The following SLIT1 variants were observed in gnomAD, a reference collection of about 807,000 sequenced individuals.
SLIT1 encodes slit homolog 1 protein.
Under a neutral mutation model 186.1 loss-of-function variants are expected in SLIT1, and 66 were observed. The ratio of observed to expected loss-of-function variants is 0.35; its 90% CI spans 0.29 to 0.44. The LOEUF is 0.44. Among genes scored for constraint, SLIT1 ranks in the 20% least tolerant of loss-of-function variants. SLIT1 has a pLI of 1.00. For synonymous variants in SLIT1, 761 were observed against 833.8 expected (o/e 0.91, Z 1.50); for missense variants, 1,638 against 2,037.4 (o/e 0.80, Z 3.77).
intron 10 of SLIT1, 120 bp downstream of exon 10, chr10:97,059,967 G>T: frequency 1.2e-6 from 1 of 847,220 alleles, no homozygotes. Context: ...AGGTCAGGTG[G>T]CTGGCCAAGG....
intron 4 of SLIT1, among the ~76,000 whole-genome samples, chr10:97,112,569 G>T (rs557394866): frequency 5.3e-5 from 8 of 152,258 alleles, no homozygotes; most frequent in Admixed American, 2.0e-4. Flanking sequence ...ACACTATGAG[G>T]TACTACCATC....
intron 21 of SLIT1, among the ~76,000 whole-genome samples, chr10:97,038,396 C>A (rs1319751102): frequency 1.3e-5 from 2 of 152,220 alleles, no homozygotes; most frequent in Non-Finnish European, 2.9e-5. Flanking sequence ...GCTGCAGCCT[C>A]TTCTGTCTGT....
chr10:97,170,875 G>T (rs990630032), intron 1 of SLIT1, among the ~76,000 whole-genome samples: 1 of 152,106 alleles, frequency 6.6e-6, no homozygotes, highest in East Asian at 1.9e-4. Flanking sequence ...GGGATTTCCC[G>T]GGGCTGCAAG....
At chr10:97,094,393 T>C (rs1849264591) in intron 4 of SLIT1, among the ~76,000 whole-genome samples, 1 of 152,198 alleles carries the variant, frequency 6.6e-6, no homozygotes, top group Admixed American at 6.5e-5. Flanking sequence ...GCAGTGCACA[T>C]CCTGAGCAAC....
chr10:97,121,937 C>T (rs925340923), intron 4 of SLIT1, among the ~76,000 whole-genome samples: 2 of 152,182 alleles, frequency 1.3e-5, no homozygotes, highest in Admixed American at 6.5e-5. Flanking sequence ...CTCATTTAAT[C>T]CATAAAATCT....
intron 1 of SLIT1, among the ~76,000 whole-genome samples, chr10:97,166,762 T>C (rs1375328626): frequency 6.6e-6 from 1 of 152,138 alleles, no homozygotes; most frequent in Non-Finnish European, 1.5e-5. Context: ...ATAGATTCCT[T>C]TTCTGCATCA....
intron 4 of SLIT1, among the ~76,000 whole-genome samples, chr10:97,084,536 A>C (rs941507567): frequency 6.6e-6 from 1 of 152,240 alleles, no homozygotes; most frequent in African/African-American, 2.4e-5. Flanking sequence ...TTAAGGCCCA[A>C]TAAATAGGAG....
chr10:97,105,621 A>C (rs1394726888), intron 4 of SLIT1, among the ~76,000 whole-genome samples: 3 of 152,262 alleles, frequency 2.0e-5, no homozygotes, highest in Non-Finnish European at 4.4e-5. Context: ...AAGAGATGGC[A>C]GATCAAACCG....
At chr10:97,121,860 G>T (rs1314595345) in intron 4 of SLIT1, among the ~76,000 whole-genome samples, 1 of 152,134 alleles carries the variant, frequency 6.6e-6, no homozygotes, top group African/African-American at 2.4e-5. Context: ...TGGCTTAACG[G>T]CAAGAACAAA....
intron 4 of SLIT1, among the ~76,000 whole-genome samples, chr10:97,128,209 A>C (rs966287530): frequency 6.6e-6 from 1 of 152,042 alleles, no homozygotes; most frequent in Non-Finnish European, 1.5e-5. Flanking sequence ...AGAACTCTAC[A>C]GTCCCAGGGC....
intron 7 of SLIT1, 98 bp from the exon 8 acceptor site, chr10:97,063,716 G>T: frequency 7.6e-7 from 1 of 1,317,174 alleles, no homozygotes; most frequent in Non-Finnish European, 1.0e-6. Context: ...CCCCGGTGCT[G>T]TGTTCAAGCC....
At chr10:97,174,378 G>A (rs746762124) in intron 1 of SLIT1, among the ~76,000 whole-genome samples, 22 of 152,194 alleles carry the variant, frequency 1.4e-4, no homozygotes, top group Non-Finnish European at 2.9e-4. Context: ...GGCCTTGCAC[G>A]CACTCCCGTC....
At chr10:97,156,695 G>A (rs901933348) in intron 4 of SLIT1, among the ~76,000 whole-genome samples, 1 of 152,216 alleles carries the variant, frequency 6.6e-6, no homozygotes, top group African/African-American at 2.4e-5. Context: ...TGTTTAATCA[G>A]AGGAGACAAA....
At chr10:97,098,138 A>G (rs1589392214) in intron 4 of SLIT1, among the ~76,000 whole-genome samples, 1 of 152,338 alleles carries the variant, frequency 6.6e-6, no homozygotes, top group East Asian at 1.9e-4. Flanking sequence ...CAGATGGGAC[A>G]GTGGTGGGGT....
intron 22 of SLIT1, 92 bp downstream of exon 22, chr10:97,037,606 G>C: frequency 3.0e-6 from 3 of 984,340 alleles, no homozygotes; most frequent in Non-Finnish European, 4.8e-6. Context: ...GATCTGCCCA[G>C]AAGTGAGGTC....
intron 1 of SLIT1, among the ~76,000 whole-genome samples, chr10:97,180,516 T>G (rs1203757235): frequency 2.0e-5 from 3 of 152,226 alleles, no homozygotes; most frequent in Non-Finnish European, 4.4e-5. Context: ...TCCAGCACTA[T>G]TCACCCGGCA....
chr10:97,037,048 TTGTG>T (rs59578209), intron 22 of SLIT1, among the ~76,000 whole-genome samples: 15,851 of 116,726 alleles, frequency 0.14, 527 homozygotes, highest in South Asian at 0.15. Flanking sequence ...ATAACCCCCT[TTGTG>T]TGTGTGTGTG....
rs565141975 is a variant in SLIT1, at chr10:97,026,318, G to T, written c.2582+4439C>A. Among the ~76,000 whole-genome samples, 3 of 152,166 alleles carry T rather than the reference G, an allele frequency of 2.0e-5. No homozygotes were observed. The South Asian group carries it at 6.2e-4, about 32-fold the overall frequency. Reference sequence around the variant, plus strand: ...ATCTCTACTAAAAATACAAAACTTAGCCAGGCATAGTGGCAGGTGCCTATA... The same window carrying T: ...ATCTCTACTAAAAATACAAAACTTATCCAGGCATAGTGGCAGGTGCCTATA... On this transcript the variant is annotated intron_variant, in intron 25 of 36. Coordinates refer to ENST00000266058, the MANE Select transcript of SLIT1 (RefSeq NM_003061.3).
intron 4 of SLIT1, among the ~76,000 whole-genome samples, chr10:97,099,753 A>C (rs1403292069): frequency 1.3e-5 from 2 of 152,128 alleles, no homozygotes; most frequent in Non-Finnish European, 2.9e-5. Context: ...AAGCTATGGT[A>C]CCTTCTCGCC....
Sources: gnomAD v4.1 joint callset for allele counts (sites outside exome capture counted in the v4.1 genomes callset) on GRCh38, gnomAD v4.1.1 for gene constraint, MANE v1.5 for transcripts, NCBI Gene and HGNC (gene_info 2026-07-23, HGNC 2026-07-21) for gene names.